Variants in TSTD2 observed in about 807,000 individuals in gnomAD.
TSTD2 encodes thiosulfate sulfurtransferase/rhodanese-like domain-containing protein 2.
TSTD2 carries 37 observed loss-of-function variants against 47.9 expected under a neutral mutation model. The ratio of observed to expected loss-of-function variants is 0.77; its 90% CI spans 0.59 to 1.02. The LOEUF (loss-of-function observed/expected upper bound fraction) is 1.02, where lower values mean the gene tolerates loss of function less well. Among genes scored for constraint, TSTD2 ranks in the 50% least tolerant of loss-of-function variants. The pLI is 0.00. For missense variants in TSTD2, 586 were observed against 616.0 expected (o/e 0.95, Z 0.52); for synonymous variants, 201 against 215.9 (o/e 0.93, Z 0.61).
At chr9:97,622,899 T>G (rs1415714570) in intron 3 of TSTD2, among the ~76,000 whole-genome samples, 1 of 152,266 alleles carries the variant, frequency 6.6e-6, no homozygotes, top group Non-Finnish European at 1.5e-5. Flanking sequence ...TAACTTGCTT[T>G]TAACAGGCTC....
chr9:97,610,718 C>G (rs1473809448), intron 5 of TSTD2: 3 of 248,484 alleles, frequency 1.2e-5, no homozygotes, highest in Non-Finnish European at 1.5e-5. Flanking sequence ...CTGAGCAATT[C>G]TAACATGTGA....
Position 97,600,660 on chromosome 9 carries a change from A to C in TSTD2, c.*1809T>G. On this transcript the variant is annotated 3_prime_UTR_variant, in exon 10 of 10. Transcript: ENST00000341170. The stretch of plus-strand genomic sequence containing the variant: ...CTACTGATCTCATCACTTATTAGAC[A>C]AATTGCTGCTGACCTTACGCCTGTA... 6 of 991,718 alleles carry C rather than the reference A, an allele frequency of 6.1e-6. No homozygotes were observed. The highest frequency in any genetic ancestry group is 7.2e-6 in the Non-Finnish European group (6 of 833,856). The allele number at this position is 991,718 out of a possible 1,614,324, so 61.4% of individuals were successfully genotyped here.
At chr9:97,625,609 G>A in intron 3 of TSTD2, 72 bp downstream of exon 3, 5 of 1,422,624 alleles carry the variant, frequency 3.5e-6, no homozygotes, top group African/African-American at 1.4e-5. Context: ...ATTTTAATGG[G>A]TGAATTGTAG....
chr9:97,632,304 A>G (rs1418760126), intron 1 of TSTD2, among the ~76,000 whole-genome samples: 1 of 152,120 alleles, frequency 6.6e-6, no homozygotes, highest in Non-Finnish European at 1.5e-5. Context: ...GAACAGAAAG[A>G]GTGGTTGGAG....
In TSTD2 at chr9:97,601,376, C is replaced by T. The variant is rs1826255094; in HGVS notation, c.*1093G>A. 21 of 1,071,538 alleles carry T rather than the reference C, an allele frequency of 2.0e-5. No homozygotes were observed. The highest frequency in any genetic ancestry group is 2.2e-5 in the Non-Finnish European group (19 of 878,258). The allele number at this position is 1,071,538 out of a possible 1,614,324, so 66.4% of individuals were successfully genotyped here. ...CCTCAGTAAGAATGTGTCATGTATTCCAGGTGCTGATCTAAAAACTGTGGC... is the reference window on the plus strand; with the variant it reads ...CCTCAGTAAGAATGTGTCATGTATTTCAGGTGCTGATCTAAAAACTGTGGC... On this transcript the variant is annotated 3_prime_UTR_variant, in exon 10 of 10. Coordinates refer to ENST00000341170, the MANE Select transcript of TSTD2 (RefSeq NM_139246.5).
intron 8 of TSTD2, 140 bp from the exon 9 acceptor site, chr9:97,605,005 A>G: frequency 7.0e-7 from 1 of 1,427,162 alleles, no homozygotes. Flanking sequence ...CCTGGCTCCC[A>G]CTGCGGGACA....
rs779625608 is a variant in TSTD2, at chr9:97,605,616, G to T, written c.980C>A (p.Pro327Gln). The stretch of plus-strand genomic sequence containing the variant: ...GAAGTAACTGAATTTCCTGATGTCT[G>T]GGGCTAAGCAGCCTTGGAATCGTCC... The part of the protein sequence containing the change: ...KIGRFQGCLA[P>Q]DIRKFSYFPS... The change falls in exon 8 of 10, where the codon CCA (proline) becomes CAA (glutamine). Residue 327 changes from proline to glutamine, a missense_variant. Transcript: ENST00000341170. The T allele has an allele frequency of 2.4e-5, 38 of 1,614,118 alleles. No homozygotes were observed. The highest frequency in any genetic ancestry group is 3.1e-5 in the Non-Finnish European group (37 of 1,180,050).
At position 97,600,390 on chromosome 9, in the gene TSTD2, T is replaced by G. The variant is rs144362839; in HGVS notation, c.*2079A>C. ...CATTACCAATCCCAGGCAACAAACATGTCCCTGAGTGTTCTTTAAGAACAT... is the reference window on the plus strand; with the variant it reads ...CATTACCAATCCCAGGCAACAAACAGGTCCCTGAGTGTTCTTTAAGAACAT... On this transcript the variant is annotated 3_prime_UTR_variant, in exon 10 of 10. Transcript: ENST00000341170. 2 of 985,808 alleles carry G rather than the reference T, an allele frequency of 2.0e-6. No individual in the cohort carries two copies. Among genetic ancestry groups the G allele is most frequent in the Non-Finnish European group, 2.4e-6 (2 of 830,150 alleles). The allele number at this position is 985,808 out of a possible 1,614,324, so 61.1% of individuals were successfully genotyped here.
intron 1 of TSTD2, among the ~76,000 whole-genome samples, chr9:97,627,872 G>A (rs1295868969): frequency 6.6e-6 from 1 of 152,168 alleles, no homozygotes; most frequent in Non-Finnish European, 1.5e-5. Flanking sequence ...GTAAACAAGT[G>A]GATAAATTGA....
intron 9 of TSTD2, among the ~76,000 whole-genome samples, chr9:97,603,327 G>T (rs1826303823): frequency 6.6e-6 from 1 of 152,074 alleles, no homozygotes; most frequent in Non-Finnish European, 1.5e-5. Context: ...TGTTACTATT[G>T]ATAACATCAT....
At chr9:97,627,691 A>C in intron 1 of TSTD2, 79 bp from the exon 2 acceptor site, 6 of 948,572 alleles carry the variant, frequency 6.3e-6, no homozygotes, top group Non-Finnish European at 9.3e-6. Flanking sequence ...CAATCACGCA[A>C]ATCAGCATGG....
chr9:97,617,297 C>G (rs1036092961), intron 4 of TSTD2, among the ~76,000 whole-genome samples: 3 of 152,130 alleles, frequency 2.0e-5, no homozygotes, highest in African/African-American at 7.2e-5. Context: ...CTGGCAGGTT[C>G]CAGAAAATTA....
At chr9:97,619,228 G>A (rs1554689586) in intron 3 of TSTD2, among the ~76,000 whole-genome samples, 1 of 152,164 alleles carries the variant, frequency 6.6e-6, no homozygotes, top group Non-Finnish European at 1.5e-5. Context: ...ACTTCAACTT[G>A]CTTTCTTGCT....
Position 97,623,641 on chromosome 9 carries a change from C to T in TSTD2, c.482+2040G>A, listed in dbSNP as rs1261200656. Among the ~76,000 whole-genome samples, 5 of 152,316 alleles carry T rather than the reference C, an allele frequency of 3.3e-5. No homozygotes were observed. In the East Asian group the frequency reaches 7.7e-4, roughly 24 times the overall value. On this transcript the variant is annotated intron_variant, in intron 3 of 9. Transcript: ENST00000341170. ...TGGGAGGCCAAGGTGAGCAGATCAC[C>T]TGAGGTCAGGAGCTCAAGACTAGTC...
intron 9 of TSTD2, 146 bp from the exon 10 acceptor site, chr9:97,602,913 A>G (rs1826291831): frequency 1.3e-6 from 1 of 744,830 alleles, no homozygotes; most frequent in Admixed American, 3.5e-5. Context: ...TCTTCTAGCA[A>G]CAACAACTAA....
At chr9:97,627,670 A>C in intron 1 of TSTD2, 58 bp from the exon 2 acceptor site, 1 of 1,173,936 alleles carries the variant, frequency 8.5e-7, no homozygotes, top group Non-Finnish European at 1.2e-6. Flanking sequence ...TGAAGAAAAT[A>C]TGAAGCTAAT....
intron 1 of TSTD2, among the ~76,000 whole-genome samples, chr9:97,629,126 A>G (rs901747786): frequency 6.6e-6 from 1 of 152,220 alleles, no homozygotes; most frequent in Non-Finnish European, 1.5e-5. Flanking sequence ...CCCAAACTCC[A>G]CAAGAGGGAG....
chr9:97,626,022 C>G, intron 2 of TSTD2, 25 bp from the exon 3 acceptor site: 1 of 1,584,850 alleles, frequency 6.3e-7, no homozygotes, highest in Non-Finnish European at 8.6e-7. Context: ...CAAATGCTAA[C>G]ACTGTTAAAT....
chr9:97,627,437 A>C lies in TSTD2; in HGVS notation c.126T>G (p.Asp42Glu), dbSNP rs1209615139. 1 of 1,607,088 alleles carries C rather than the reference A, an allele frequency of 6.2e-7. No individual in the cohort carries two copies. The highest frequency in any genetic ancestry group is 8.5e-7 in the Non-Finnish European group (1 of 1,176,682). The change falls in exon 2 of 10, where the codon GAT becomes GAG. Residue 42 changes from aspartate to glutamate, a missense_variant. Asp to Glu is a conservative substitution (Grantham distance 45). Coordinates refer to ENST00000341170, the MANE Select transcript of TSTD2 (RefSeq NM_139246.5). ...NPSSSLKAEL[D>E]GSTKKKYSFA... ...ACGAGTATTTCTTTTTTGTACTGCC[A>C]TCTAATTCTGCTTTAAGACTGCTGC...
Sources: gnomAD v4.1 joint callset for allele counts (sites outside exome capture counted in the v4.1 genomes callset) on GRCh38, gnomAD v4.1.1 for gene constraint, MANE v1.5 for transcripts, NCBI Gene and HGNC (gene_info 2026-07-23, HGNC 2026-07-21) for gene names.